CLDN14: variants seen among roughly 807,000 people sequenced by gnomAD.
The protein encoded by CLDN14 is claudin 14, also known as claudin-14.
A neutral mutation model predicts 2.1 loss-of-function variants in CLDN14; 2 were observed. The observed-to-expected ratio is 0.96, with a 90% confidence interval of 0.39 to 3.01. The LOEUF (loss-of-function observed/expected upper bound fraction) is 3.01. Among genes scored for constraint, CLDN14 ranks in the 30% most tolerant of loss-of-function variants. CLDN14 has a pLI of 0.09. For synonymous variants in CLDN14, 136 were observed against 154.4 expected, an observed-to-expected ratio of 0.88 and a Z score of 0.88; for missense variants, 298 against 328.0, an observed-to-expected ratio of 0.91 and a Z score of 0.71.
chr21:36,555,446 A>C (rs929646981), intron 1 of CLDN14, among the ~76,000 whole-genome samples: 2 of 152,234 alleles, frequency 1.3e-5, no homozygotes, highest in African/African-American at 4.8e-5. Flanking sequence ...TAGTCTCATT[A>C]AGTTGTAAGA....
chr21:36,476,508 G>A (rs1601598755), intron 1 of CLDN14, among the ~76,000 whole-genome samples: 1 of 151,302 alleles, frequency 6.6e-6, no homozygotes, highest in Non-Finnish European at 1.5e-5. Flanking sequence ...GCCGGAGCGC[G>A]GTGGTGCGAT....
At chr21:36,494,066 G>A (rs2086993472) in intron 2 of CLDN14, among the ~76,000 whole-genome samples, 1 of 152,156 alleles carries the variant, frequency 6.6e-6, no homozygotes, top group African/African-American at 2.4e-5. Flanking sequence ...TCTTCTGCGG[G>A]GACATCAACT....
chr21:36,560,613 A>T (rs1012599943), intron 1 of CLDN14, among the ~76,000 whole-genome samples: 1 of 152,218 alleles, frequency 6.6e-6, no homozygotes, highest in African/African-American at 2.4e-5. Context: ...TCTTTGGTAA[A>T]TGGGTAGTGA....
At chr21:36,555,085 C>G (rs540649176) in intron 1 of CLDN14, among the ~76,000 whole-genome samples, 1 of 152,336 alleles carries the variant, frequency 6.6e-6, no homozygotes, top group South Asian at 2.1e-4. Flanking sequence ...AAGCCATCCG[C>G]AGGGATTTGT....
At chr21:36,552,470 C>T (rs961584059) in intron 1 of CLDN14, among the ~76,000 whole-genome samples, 30 of 152,078 alleles carry the variant, frequency 2.0e-4, no homozygotes, top group African/African-American at 6.5e-4. Context: ...TTAAGTTGAT[C>T]TGTTACAGGA....
At chr21:36,515,078 G>T (rs1217740563) in intron 1 of CLDN14, among the ~76,000 whole-genome samples, 1 of 152,194 alleles carries the variant, frequency 6.6e-6, no homozygotes, top group Non-Finnish European at 1.5e-5. Flanking sequence ...TGGTGACTGT[G>T]TGGAGAAATT....
chr21:36,495,281 A>T (rs901126931), intron 2 of CLDN14, among the ~76,000 whole-genome samples: 2 of 152,226 alleles, frequency 1.3e-5, no homozygotes, highest in Non-Finnish European at 2.9e-5. Flanking sequence ...GTGAGCCGAG[A>T]TCGTGCCATT....
At chr21:36,504,908 TTGGGCTGATAGGAC>T (rs1260861673) in intron 2 of CLDN14, among the ~76,000 whole-genome samples, 2 of 152,168 alleles carry the variant, frequency 1.3e-5, no homozygotes, top group Non-Finnish European at 2.9e-5. Context: ...AAAAGAAAAT[TTGGGCTGATAGGAC>T]TGGGTCCTGA....
intron 1 of CLDN14, among the ~76,000 whole-genome samples, chr21:36,568,556 A>G (rs1366140256): frequency 6.6e-6 from 1 of 152,198 alleles, no homozygotes. Flanking sequence ...GGCTGATGAC[A>G]AAGCAAGATG....
chr21:36,521,157 C>T (rs1333316944), intron 1 of CLDN14, among the ~76,000 whole-genome samples: 1 of 152,138 alleles, frequency 6.6e-6, no homozygotes, highest in Non-Finnish European at 1.5e-5. Flanking sequence ...CACAATATAT[C>T]TGAAAGTAGA....
intron 1 of CLDN14, among the ~76,000 whole-genome samples, chr21:36,553,238 T>C (rs747854963): frequency 2.0e-5 from 3 of 152,176 alleles, no homozygotes; most frequent in Non-Finnish European, 4.4e-5. Context: ...GCGTCTGCTA[T>C]AGTCTTACCT....
intron 1 of CLDN14, among the ~76,000 whole-genome samples, chr21:36,568,612 T>C (rs1391631187): frequency 6.6e-6 from 1 of 152,152 alleles, no homozygotes; most frequent in Non-Finnish European, 1.5e-5. Context: ...GAAGTCACAG[T>C]TACTTGGGAG....
chr21:36,515,882 G>A (rs539584494), intron 1 of CLDN14, among the ~76,000 whole-genome samples: 2 of 145,336 alleles, frequency 1.4e-5, no homozygotes, highest in African/African-American at 5.1e-5. Context: ...CGCCTCCCGG[G>A]TTCAAGTGAT....
At chr21:36,553,811 A>G (rs2146519021) in intron 1 of CLDN14, among the ~76,000 whole-genome samples, 1 of 152,260 alleles carries the variant, frequency 6.6e-6, no homozygotes, top group African/African-American at 2.4e-5. Context: ...ATGAGGGATG[A>G]GGCATGGCCG....
At chr21:36,487,277 C>T (rs1312892034) in intron 2 of CLDN14, 1 of 217,074 alleles carries the variant, frequency 4.6e-6, no homozygotes, top group Non-Finnish European at 9.3e-6. Flanking sequence ...ACCACTGCGC[C>T]CGGCCTGTTG....
At chr21:36,512,440 A>G (rs1159300065) in intron 1 of CLDN14, among the ~76,000 whole-genome samples, 1 of 152,196 alleles carries the variant, frequency 6.6e-6, no homozygotes, top group African/African-American at 2.4e-5. Context: ...GTGTTTGGAG[A>G]TAGGAAAAGT....
intron 1 of CLDN14, among the ~76,000 whole-genome samples, chr21:36,546,677 A>G (rs1316755571): frequency 6.6e-6 from 1 of 152,252 alleles, no homozygotes; most frequent in Non-Finnish European, 1.5e-5. Context: ...CATAGGCAAG[A>G]AGAGCAAACA....
intron 1 of CLDN14, among the ~76,000 whole-genome samples, chr21:36,474,321 C>T (rs756848693): frequency 3.9e-5 from 6 of 152,182 alleles, no homozygotes; most frequent in South Asian, 2.1e-4. Flanking sequence ...TATTTTGCAT[C>T]GCATTACAGG....
At chr21:36,518,747 A>G (rs1161455457) in intron 1 of CLDN14, among the ~76,000 whole-genome samples, 1 of 152,196 alleles carries the variant, frequency 6.6e-6, no homozygotes, top group African/African-American at 2.4e-5. Context: ...ATATAAAGAC[A>G]AGATATAGTC....
Sources: gnomAD v4.1 joint callset for allele counts (sites outside exome capture counted in the v4.1 genomes callset) on GRCh38, gnomAD v4.1.1 for gene constraint, MANE v1.5 for transcripts, NCBI Gene and HGNC (gene_info 2026-07-23, HGNC 2026-07-21) for gene names.